The following ZNF324B variants were observed in gnomAD, a reference collection of about 807,000 sequenced individuals.
ZNF324B encodes the protein zinc finger protein 324B.
A neutral mutation model predicts 10.6 loss-of-function variants in ZNF324B; 7 were observed. That is an observed-to-expected ratio of 0.66 (90% CI 0.38 to 1.24). The LOEUF (loss-of-function observed/expected upper bound fraction) is 1.24. ZNF324B is among the 50% of genes most tolerant of loss of function. ZNF324B has a pLI of 0.02. For synonymous variants in ZNF324B, 316 were observed against 321.0 expected, an observed-to-expected ratio of 0.98 and a Z score of 0.17; for missense variants, 640 against 764.7, an observed-to-expected ratio of 0.84 and a Z score of 1.92.
At chr19:58,435,166 T>G in the ZNF324B span, 60 of 1,614,020 alleles carry the variant, frequency 3.7e-5, no homozygotes, top group African/African-American at 6.9e-4. Context: ...TACAGAAACA[T>G]TCTGCTTGGG....
At chr19:58,427,493 CCTTT>C in the ZNF324B span, among the ~76,000 whole-genome samples, 2,723 of 104,926 alleles carry the variant, frequency 0.026, 138 homozygotes, top group East Asian at 0.15. Flanking sequence ...TTCCTTCCTT[CCTTT>C]CTTTCTTTTT....
upstream of ZNF324B, among the ~76,000 whole-genome samples, chr19:58,450,413 C>T (rs1359563577): frequency 2.7e-5 from 4 of 146,186 alleles, no homozygotes; most frequent in Non-Finnish European, 5.9e-5. Flanking sequence ...TGCAGTGACC[C>T]GAGTATGCAC....
chr19:58,430,150 G>A, the ZNF324B span: 3 of 152,216 alleles, frequency 2.0e-5, no homozygotes, highest in East Asian at 1.9e-4. Context: ...ACTGGAGGAG[G>A]TCTCAGACCA....
At chr19:58,441,346 T>G in the ZNF324B span, 1 of 152,312 alleles carries the variant, frequency 6.6e-6, no homozygotes, top group African/African-American at 2.4e-5. Context: ...GCAGTATTGT[T>G]CCAGACAGTT....
the ZNF324B span, chr19:58,434,448 G>A: frequency 6.2e-7 from 1 of 1,614,212 alleles, no homozygotes. Context: ...GAACAAATGT[G>A]AGTTTGTGGT....
At chr19:58,437,100 C>T in the ZNF324B span, 1 of 1,614,122 alleles carries the variant, frequency 6.2e-7, no homozygotes, top group Non-Finnish European at 8.5e-7. Flanking sequence ...GTACAGGTGC[C>T]TCTGGGCTGC....
chr19:58,454,410 T>C (rs770965435), intron 3 of ZNF324B, 66 bp downstream of exon 3: 117 of 1,038,640 alleles, frequency 1.1e-4, no homozygotes, highest in Non-Finnish European at 1.1e-4. Context: ...TCCCTGCTTT[T>C]CTGACTCTGG....
the ZNF324B span, chr19:58,433,941 G>A: frequency 1.2e-6 from 2 of 1,613,884 alleles, no homozygotes; most frequent in Non-Finnish European, 1.7e-6. Flanking sequence ...GCTGGATGAG[G>A]GTGGAGCTAT....
At chr19:58,431,134 T>G in the ZNF324B span, 1 of 152,148 alleles carries the variant, frequency 6.6e-6, no homozygotes, top group Non-Finnish European at 1.5e-5. Context: ...TCTGAAAAGG[T>G]GGTCTTCACC....
At chr19:58,423,603 A>G in the ZNF324B span, among the ~76,000 whole-genome samples, 10 of 152,234 alleles carry the variant, frequency 6.6e-5, no homozygotes, top group African/African-American at 2.4e-4. Flanking sequence ...AAAGAGCCCA[A>G]GTAGCCAAAG....
At chr19:58,436,096 A>G in the ZNF324B span, among the ~76,000 whole-genome samples, 3 of 152,364 alleles carry the variant, frequency 2.0e-5, no homozygotes, top group African/African-American at 4.8e-5. Flanking sequence ...AGAAAAATAC[A>G]TAGTATTCTA....
At chr19:58,446,573 C>CTCTCTTTTTTTTTTTTTTTTT in the ZNF324B span, among the ~76,000 whole-genome samples, 1 of 102,510 alleles carries the variant, frequency 9.8e-6, no homozygotes, top group Non-Finnish European at 1.8e-5. Context: ...ATTTCTTTCT[C>CTCTCTTTTTTTTTTTTTTTTT]TTTTTTTTTT....
At position 58,455,667 on chromosome 19, in the gene ZNF324B, G is replaced by A. The variant is rs766716157; in HGVS notation, c.723G>A (p.Ser241=). The A allele has an allele frequency of 6.8e-6, 11 of 1,613,538 alleles. No individual in the cohort carries two copies. The highest frequency in any genetic ancestry group is 2.2e-5 in the East Asian group (1 of 44,854). ...PHRLLGGQEP[S]TWDELGEALH... ...GACTCCTCGGTGGCCAGGAGCCCTC[G>A]ACCTGGGACGAGCTGGGCGAGGCTC... Residue 241 remains serine, a synonymous_variant, in exon 4 of 4, where the codon TCG becomes TCA. Coordinates refer to ENST00000336614, the MANE Select transcript of ZNF324B (RefSeq NM_207395.3). The surrounding 1 kb of genome is among the most constrained non-coding windows in gnomAD (Gnocchi z 7.0).
chr19:58,433,171 G>T, the ZNF324B span: 3 of 795,498 alleles, frequency 3.8e-6, no homozygotes, highest in Middle Eastern at 3.2e-4. Flanking sequence ...GCCCTGCAAA[G>T]GTTCCTGGGC....
the ZNF324B span, among the ~76,000 whole-genome samples, chr19:58,427,358 C>CTT: frequency 1.2e-3 from 65 of 55,210 alleles, 1 homozygote; most frequent in Non-Finnish European, 2.0e-3. Context: ...TCCTTTCTTT[C>CTT]TTTCTTTCTT....
At chr19:58,440,192 A>G in the ZNF324B span, 1 of 308,958 alleles carries the variant, frequency 3.2e-6, no homozygotes, top group African/African-American at 2.3e-5. Context: ...GACAGCTCGG[A>G]CTTGCCACTG....
chr19:58,438,050 C>T, the ZNF324B span, among the ~76,000 whole-genome samples: 138 of 152,264 alleles, frequency 9.1e-4, no homozygotes, highest in African/African-American at 3.2e-3. Context: ...ACCAGCCTGA[C>T]AAAAACCCCA....
chr19:58,453,308 G>A (rs2052880462), intron 1 of ZNF324B: 1 of 286,284 alleles, frequency 3.5e-6, no homozygotes, highest in South Asian at 3.3e-5. Context: ...GGCATGCCTG[G>A]GGGGTCCACA....
the ZNF324B span, chr19:58,435,124 T>C: frequency 6.2e-7 from 1 of 1,614,072 alleles, no homozygotes; most frequent in Non-Finnish European, 8.5e-7. Context: ...GGTGGAAGGA[T>C]CTGCATTAGG....
Sources: gnomAD v4.1 joint callset for allele counts (sites outside exome capture counted in the v4.1 genomes callset) on GRCh38, gnomAD v4.1.1 for gene constraint, Gnocchi (gnomAD v3.1) non-coding constraint, MANE v1.5 for transcripts, NCBI Gene and HGNC (gene_info 2026-07-23, HGNC 2026-07-21) for gene names.